SDK1: variants seen among roughly 807,000 people sequenced by gnomAD.
SDK1 encodes sidekick cell adhesion molecule 1, also known as protein sidekick-1.
In SDK1, 157 loss-of-function variants were observed where a neutral mutation model predicts 245.5. That is an observed-to-expected ratio of 0.64 (90% CI 0.56 to 0.73). The LOEUF (loss-of-function observed/expected upper bound fraction) is 0.73, where lower values mean the gene tolerates loss of function less well. Among genes scored for constraint, SDK1 ranks in the 30% least tolerant of loss-of-function variants. The pLI is 0.00. For synonymous variants in SDK1, 1,647 were observed against 1,278.5 expected (o/e 1.29, Z -6.15); for missense variants, 3,583 against 3,002.3 (o/e 1.19, Z -4.52).
intron 4 of SDK1, among the ~76,000 whole-genome samples, chr7:3,670,453 CA>C (rs1323919332): frequency 1.3e-5 from 2 of 152,146 alleles, no homozygotes; most frequent in Admixed American, 6.5e-5. Flanking sequence ...AGTTCTTAAA[CA>C]AAACAAAACT....
At chr7:3,997,706 G>A (rs1784783618) in intron 14 of SDK1, among the ~76,000 whole-genome samples, 1 of 152,172 alleles carries the variant, frequency 6.6e-6, no homozygotes, top group Non-Finnish European at 1.5e-5. Flanking sequence ...GTGACCATGA[G>A]TGGGCCTGGA....
At chr7:4,111,066 C>G (rs771774257) in intron 23 of SDK1, among the ~76,000 whole-genome samples, 1 of 152,136 alleles carries the variant, frequency 6.6e-6, no homozygotes, top group East Asian at 1.9e-4. Flanking sequence ...CCAAGAACCA[C>G]AGGCAGCAGA....
intron 4 of SDK1, among the ~76,000 whole-genome samples, chr7:3,796,360 A>G (rs1173087950): frequency 6.6e-6 from 1 of 152,260 alleles, no homozygotes; most frequent in Admixed American, 6.5e-5. Flanking sequence ...TTTCTTAATC[A>G]GGAAGGTAAA....
chr7:3,741,246 C>G (rs1218553740), intron 4 of SDK1, among the ~76,000 whole-genome samples: 1 of 152,150 alleles, frequency 6.6e-6, no homozygotes, highest in Non-Finnish European at 1.5e-5. Context: ...TTGAGTTTTT[C>G]CAGCCAATTT....
At chr7:3,752,762 A>G (rs1386840589) in intron 4 of SDK1, among the ~76,000 whole-genome samples, 1 of 152,180 alleles carries the variant, frequency 6.6e-6, no homozygotes, top group African/African-American at 2.4e-5. Context: ...CAAAGGCAAG[A>G]GCCTTATTAT....
At chr7:3,648,114 A>G (rs183683644) in intron 4 of SDK1, among the ~76,000 whole-genome samples, 1 of 152,324 alleles carries the variant, frequency 6.6e-6, no homozygotes, top group Admixed American at 6.5e-5. Flanking sequence ...TGTCATATAA[A>G]TACAGTCTAA....
At chr7:4,035,088 C>T (rs1040343613) in intron 17 of SDK1, among the ~76,000 whole-genome samples, 45 of 152,180 alleles carry the variant, frequency 3.0e-4, no homozygotes, top group African/African-American at 1.0e-3. Context: ...AAGCAATTCT[C>T]CTGCCTTAGC....
chr7:3,974,335 G>A (rs576750915), intron 12 of SDK1, 34 bp from the exon 13 acceptor site: 5 of 1,587,486 alleles, frequency 3.1e-6, no homozygotes, highest in East Asian at 2.3e-5. Flanking sequence ...TCACTGTGGG[G>A]TTTGTAACTC....
chr7:4,193,224 TATTA>T (rs1249843980), intron 35 of SDK1, among the ~76,000 whole-genome samples: 10 of 133,710 alleles, frequency 7.5e-5, no homozygotes, highest in Admixed American at 2.4e-4. Context: ...ATATATTGTA[TATTA>T]ATTGTATAAA....
At chr7:4,098,324 A>G (rs181214685) in intron 22 of SDK1, among the ~76,000 whole-genome samples, 51 of 152,274 alleles carry the variant, frequency 3.3e-4, no homozygotes, top group African/African-American at 8.7e-4. Context: ...ATAAATCACA[A>G]CCGTCAAACC....
intron 20 of SDK1, among the ~76,000 whole-genome samples, chr7:4,074,921 T>A (rs1251651197): frequency 5.3e-4 from 66 of 124,246 alleles, no homozygotes; most frequent in South Asian, 3.3e-3. Context: ...TATATATTTT[T>A]TTTTTTTTTT....
chr7:3,873,074 A>G (rs1780995301), intron 5 of SDK1, among the ~76,000 whole-genome samples: 1 of 152,154 alleles, frequency 6.6e-6, no homozygotes, highest in African/African-American at 2.4e-5. Context: ...TCTCTGACCT[A>G]TATCATACTC....
At chr7:3,966,181 G>T (rs1215059788) in intron 9 of SDK1, among the ~76,000 whole-genome samples, 1 of 152,066 alleles carries the variant, frequency 6.6e-6, no homozygotes, top group African/African-American at 2.4e-5. Context: ...GACTCGGGTG[G>T]TTGCCTGCGA....
chr7:4,092,337 C>A (rs375824589), intron 22 of SDK1, among the ~76,000 whole-genome samples: 1 of 152,158 alleles, frequency 6.6e-6, no homozygotes, highest in Non-Finnish European at 1.5e-5. Flanking sequence ...CCTCCCAGGA[C>A]GCCTGGTTCT....
At chr7:4,001,235 C>G (rs1304167208) in intron 14 of SDK1, among the ~76,000 whole-genome samples, 1 of 152,242 alleles carries the variant, frequency 6.6e-6, no homozygotes, top group African/African-American at 2.4e-5. Context: ...TGCCTGCCAG[C>G]TATCTCCAGC....
At chr7:4,036,690 T>A (rs1788244323) in intron 17 of SDK1, among the ~76,000 whole-genome samples, 1 of 152,156 alleles carries the variant, frequency 6.6e-6, no homozygotes, top group Non-Finnish European at 1.5e-5. Context: ...TGAGGGCTGG[T>A]TGGGATTAGC....
At chr7:3,305,536 A>G (rs968855872) in intron 1 of SDK1, among the ~76,000 whole-genome samples, 2 of 152,024 alleles carry the variant, frequency 1.3e-5, no homozygotes, top group Non-Finnish European at 2.9e-5. Context: ...TTTTGGGCCC[A>G]TGTTGCTTTC....
intron 4 of SDK1, among the ~76,000 whole-genome samples, chr7:3,744,210 A>G (rs550055174): frequency 1.1e-4 from 16 of 152,054 alleles, no homozygotes; most frequent in Admixed American, 1.0e-3. Context: ...CTCCCAAGAA[A>G]GGTCCTCTTC....
At chr7:3,320,355 A>C (rs986366992) in intron 1 of SDK1, among the ~76,000 whole-genome samples, 1 of 152,122 alleles carries the variant, frequency 6.6e-6, no homozygotes, top group African/African-American at 2.4e-5. Context: ...CAAGTAAAAT[A>C]AAAGTATATG....
Sources: allele counts gnomAD v4.1 joint callset (sites outside exome capture counted in the v4.1 genomes callset), GRCh38; gene constraint gnomAD v4.1.1; transcripts MANE v1.5; gene names NCBI Gene and HGNC (gene_info 2026-07-23, HGNC 2026-07-21).